The following TMC7 variants were observed in gnomAD, a reference collection of about 807,000 sequenced individuals.
TMC7 encodes transmembrane channel-like protein 7.
TMC7 carries 54 observed loss-of-function variants against 82.9 expected under a neutral mutation model. The observed-to-expected ratio is 0.65, with a 90% CI of 0.52 to 0.82. The LOEUF (loss-of-function observed/expected upper bound fraction) is 0.82, where lower values mean the gene tolerates loss of function less well. TMC7 is among the 40% of genes least tolerant of loss of function. The pLI is 0.00. For missense variants in TMC7, 820 were observed against 901.2 expected (o/e 0.91, Z 1.15); for synonymous variants, 350 against 337.9 (o/e 1.04, Z -0.39).
chr16:19,031,229 CTTG>C (rs1960502334), intron 6 of TMC7, among the ~76,000 whole-genome samples: 1 of 152,192 alleles, frequency 6.6e-6, no homozygotes, highest in Non-Finnish European at 1.5e-5. Flanking sequence ...TTAGAAAAGA[CTTG>C]TTGTATCTGC....
Position 19,030,384 on chromosome 16 carries a change from T to A in TMC7, c.857+15T>A, listed in dbSNP as rs1960459335. On this transcript the variant is annotated intron_variant, in intron 6 of 15. Coordinates refer to ENST00000304381, the MANE Select transcript of TMC7 (RefSeq NM_024847.4). ...ATAGTGAAAAGGTAAAGTCTGCCTTTGCATTCTCTCTGAATTACCCCTGAT... is the reference window on the plus strand; with the variant it reads ...ATAGTGAAAAGGTAAAGTCTGCCTTAGCATTCTCTCTGAATTACCCCTGAT... The A allele has an allele frequency of 1.2e-6, 2 of 1,602,730 alleles. No homozygotes were observed. Among genetic ancestry groups the A allele is most frequent in the Non-Finnish European group, 1.7e-6 (2 of 1,175,446 alleles).
chr16:18,990,539 T>C (rs888514082), intron 1 of TMC7, among the ~76,000 whole-genome samples: 1 of 152,160 alleles, frequency 6.6e-6, no homozygotes, highest in African/African-American at 2.4e-5. Context: ...CGTGTCCGTG[T>C]GAAGAGACCA....
chr16:19,014,230 GGAGGATGTTTAGCAA>G (rs1200301212), intron 2 of TMC7, among the ~76,000 whole-genome samples: 1 of 151,944 alleles, frequency 6.6e-6, no homozygotes, highest in Non-Finnish European at 1.5e-5. Context: ...TCTGTGGATT[GGAGGATGTTTAGCAA>G]CATCCCTGGC....
At chr16:19,045,796 C>T (rs1424310572) in intron 11 of TMC7, among the ~76,000 whole-genome samples, 1 of 151,814 alleles carries the variant, frequency 6.6e-6, no homozygotes, top group African/African-American at 2.4e-5. Flanking sequence ...TGGGGTTTCA[C>T]CATGTTAGCC....
At chr16:19,019,370 G>C (rs1344565856) in intron 3 of TMC7, among the ~76,000 whole-genome samples, 1 of 152,088 alleles carries the variant, frequency 6.6e-6, no homozygotes, top group East Asian at 1.9e-4. Flanking sequence ...TTTCTAAAAG[G>C]CTTCTTGGCT....
At chr16:19,053,683 G>T (rs922369667) in intron 13 of TMC7, among the ~76,000 whole-genome samples, 2 of 152,132 alleles carry the variant, frequency 1.3e-5, no homozygotes, top group Non-Finnish European at 2.9e-5. Flanking sequence ...GATTACAGGC[G>T]TGAGCCACTG....
At chr16:19,022,097 C>T (rs1960007261) in intron 4 of TMC7, among the ~76,000 whole-genome samples, 2 of 152,196 alleles carry the variant, frequency 1.3e-5, no homozygotes, top group South Asian at 4.1e-4. Context: ...ATGGAGCAGC[C>T]TCTATCTGGA....
At position 19,016,558 on chromosome 16, in the gene TMC7, C is replaced by A; in HGVS notation, c.420C>A (p.Thr140=). Residue 140 remains threonine (T), a synonymous_variant, in exon 3 of 16, where the codon ACC becomes ACA. Coordinates refer to ENST00000304381, the MANE Select transcript of TMC7 (RefSeq NM_024847.4). ...TAGAGAAGGCTCGAGAGATGACGAC[C>A]CACCTGGAGCTGTGGCGGGAGGACA... The part of the protein sequence containing the change: ...RFLEKAREMT[T]HLELWREDIR... 1.2e-6 allele frequency: 2 copies of A among 1,614,044 alleles called. No homozygotes were observed. Among genetic ancestry groups the A allele is most frequent in the Non-Finnish European group, 1.7e-6 (2 of 1,180,014 alleles).
At chr16:18,995,163 C>A (rs1270675914) in intron 1 of TMC7, among the ~76,000 whole-genome samples, 2 of 152,078 alleles carry the variant, frequency 1.3e-5, no homozygotes, top group East Asian at 3.9e-4. Context: ...AGAATGTTGT[C>A]CAAGTTGGCA....
intron 1 of TMC7, among the ~76,000 whole-genome samples, chr16:19,004,157 A>AG (rs2039193806): frequency 6.6e-6 from 1 of 151,942 alleles, no homozygotes; most frequent in Non-Finnish European, 1.5e-5. Flanking sequence ...TATGCAAACG[A>AG]GGGGGTGGAT....
At chr16:19,059,916 G>C (rs751851684) in intron 15 of TMC7, 1 of 428,166 alleles carries the variant, frequency 2.3e-6, no homozygotes, top group African/African-American at 2.0e-5. Context: ...GGTGGAGGTC[G>C]CAGTGAGCTG....
At chr16:19,021,824 A>G (rs1183917831) in intron 4 of TMC7, 28 bp downstream of exon 4, 1 of 1,608,048 alleles carries the variant, frequency 6.2e-7, no homozygotes, top group Non-Finnish European at 8.5e-7. Context: ...TTTACTACGA[A>G]GTGTGTTTGT....
Position 18,996,917 on chromosome 16 carries a change from A to G in TMC7, c.68-12255A>G, listed in dbSNP as rs2039052866. On this transcript the variant is annotated intron_variant, in intron 1 of 15. Coordinates refer to ENST00000304381, the MANE Select transcript of TMC7 (RefSeq NM_024847.4). ...GGAAGGCTGTCTTCCCAAGTCCATGACTAGCGCCGGAGTTTTGGGTCCACG... is the reference window on the plus strand; with the variant it reads ...GGAAGGCTGTCTTCCCAAGTCCATGGCTAGCGCCGGAGTTTTGGGTCCACG... Among the ~76,000 whole-genome samples, 4 of 152,336 alleles carry G rather than the reference A, an allele frequency of 2.6e-5. No homozygotes were observed. In the South Asian group the frequency reaches 8.3e-4, roughly 32 times the overall value.
At chr16:19,032,318 T>C (rs1191019865) in intron 6 of TMC7, among the ~76,000 whole-genome samples, 1 of 152,118 alleles carries the variant, frequency 6.6e-6, no homozygotes, top group Non-Finnish European at 1.5e-5. Flanking sequence ...ATCTGTGAGA[T>C]GAACGTGAAC....
At chr16:19,036,273 GC>G (rs1198110837) in intron 7 of TMC7, among the ~76,000 whole-genome samples, 1 of 152,176 alleles carries the variant, frequency 6.6e-6, no homozygotes, top group Non-Finnish European at 1.5e-5. Context: ...ACTTTGGGAG[GC>G]TGAGGCAGGC....
At chr16:19,040,185 G>T in intron 8 of TMC7, 104 bp from the exon 9 acceptor site, 2 of 871,780 alleles carry the variant, frequency 2.3e-6, no homozygotes, top group South Asian at 1.9e-5. Context: ...TGACAAATAC[G>T]TTTTGTTTGC....
chr16:19,009,017 C>T (rs1337025719), intron 1 of TMC7, among the ~76,000 whole-genome samples, 155 bp from the exon 2 acceptor site: 2 of 152,292 alleles, frequency 1.3e-5, no homozygotes, highest in East Asian at 3.9e-4. Context: ...GTCCTGAGCA[C>T]CACTGTGGTA....
At chr16:19,044,408 G>T (rs1961165324) in intron 9 of TMC7, among the ~76,000 whole-genome samples, 1 of 151,434 alleles carries the variant, frequency 6.6e-6, no homozygotes, top group African/African-American at 2.4e-5. Flanking sequence ...TGCCCAGGTT[G>T]TTCTCAAACT....
chr16:19,006,437 G>A (rs1162907983), intron 1 of TMC7, among the ~76,000 whole-genome samples: 1 of 152,046 alleles, frequency 6.6e-6, no homozygotes, highest in Non-Finnish European at 1.5e-5. Context: ...CCTTGCCTTG[G>A]CCTCCCAAAG....
Sources: allele counts gnomAD v4.1 joint callset (sites outside exome capture counted in the v4.1 genomes callset), GRCh38; gene constraint gnomAD v4.1.1; transcripts MANE v1.5; gene names NCBI Gene and HGNC (gene_info 2026-07-23, HGNC 2026-07-21).